Variants in ACTN3 observed in about 807,000 individuals in gnomAD.
ACTN3 encodes actinin alpha 3.
ACTN3 carries 91 observed loss-of-function variants against 119.6 expected under a neutral mutation model. That is an observed-to-expected ratio of 0.76 (90% CI 0.64 to 0.91). The LOEUF (loss-of-function observed/expected upper bound fraction) is 0.91, where lower values mean the gene tolerates loss of function less well. Ranked by LOEUF, ACTN3 falls within the 40% of genes least tolerant of loss-of-function variation. ACTN3 has a pLI of 0.00. For synonymous variants in ACTN3, 456 were observed against 478.8 expected (o/e 0.95, Z 0.62); for missense variants, 1,221 against 1,215.1 (o/e 1.00, Z -0.07).
At chr11:66,555,054 G>T in intron 5 of ACTN3, 76 bp from the exon 6 acceptor site, 1 of 1,327,664 alleles carries the variant, frequency 7.5e-7, no homozygotes, top group Non-Finnish European at 1.1e-6. Context: ...GTCCTTCTGG[G>T]GGGTGCTCCT....
chr11:66,559,035 C>A, intron 11 of ACTN3: 1 of 451,274 alleles, frequency 2.2e-6, no homozygotes, highest in Non-Finnish European at 3.7e-6. Context: ...GCTCAGGGGA[C>A]GCTGATGTCA....
chr11:66,552,236 G>A lies in ACTN3; in HGVS notation c.382+589G>A, dbSNP rs192632292. On this transcript the variant is annotated intron_variant, in intron 3 of 20. Transcript: ENST00000513398. The stretch of plus-strand genomic sequence containing the variant: ...CTACTAAAAATACGCTGGGTGTGGC[G>A]GCGCGTGGCTGTAATCCCAACTACT... Among the ~76,000 whole-genome samples the A allele has an allele frequency of 9.3e-3, 1,412 of 151,982 alleles. 13 individuals are homozygous for A. Among genetic ancestry groups the A allele is most frequent in the Non-Finnish European group, 0.014 (924 of 67,972 alleles).
In ACTN3 at chr11:66,560,088, G is replaced by A. The variant is rs1487023861; in HGVS notation, c.1536+12G>A. ...GGGATGCGCTAGAGGTGGGGCTGGG[G>A]GCCGGGGAGCTGGGGGGTGGGTAGG... On this transcript the variant is annotated intron_variant, in intron 13 of 20. Transcript: ENST00000513398. The A allele has an allele frequency of 2.6e-6, 4 of 1,556,184 alleles. No homozygotes were observed. The highest frequency in any genetic ancestry group is 1.4e-5 in the African/African-American group (1 of 73,526).
At chr11:66,555,010 G>T in intron 5 of ACTN3, 120 bp from the exon 6 acceptor site, 1 of 877,904 alleles carries the variant, frequency 1.1e-6, no homozygotes, top group Admixed American at 2.1e-5. Context: ...CAAGCTAAGG[G>T]ATTTGTACTT....
At chr11:66,546,668 C>T, upstream of ACTN3, 1 of 1,532,734 alleles carries the variant, frequency 6.5e-7, no homozygotes, top group Non-Finnish European at 8.7e-7. Flanking sequence ...GTGGATTTCT[C>T]AAGGTCACAC....
Position 66,561,718 on chromosome 11 carries a change from G to A in ACTN3, c.2175+81G>A, listed in dbSNP as rs1011025672. The A allele has an allele frequency of 6.1e-6, 9 of 1,472,596 alleles. No homozygotes were observed. In the African/African-American group the frequency reaches 7.0e-5, roughly 11 times the overall value. 91.2% of individuals were successfully genotyped at this position (1,472,596 alleles called of 1,614,324 possible). A position where few individuals can be genotyped will look rare whatever the true frequency, so the allele number is the denominator to read the frequency against. On this transcript the variant is annotated intron_variant, in intron 17 of 20. Coordinates refer to ENST00000513398, the MANE Select transcript of ACTN3 (RefSeq NM_001104.4). Reference sequence around the variant, plus strand: ...GGGAGATCACAGCTGGACAGAGCATGTGTGTCCCAGCAGAGTCCCCAGTTC... The same window carrying A: ...GGGAGATCACAGCTGGACAGAGCATATGTGTCCCAGCAGAGTCCCCAGTTC...
At chr11:66,557,031 G>A (rs1681783072) in intron 8 of ACTN3, 102 bp from the exon 9 acceptor site, 2 of 1,013,384 alleles carry the variant, frequency 2.0e-6, no homozygotes, top group Non-Finnish European at 2.9e-6. Flanking sequence ...AAACTGCTGG[G>A]ATTACAGGCG....
In ACTN3 at chr11:66,561,400, G is replaced by A. The variant is rs573025330; in HGVS notation, c.1995+39G>A. The A allele has an allele frequency of 3.7e-6, 6 of 1,606,756 alleles. No individual in the cohort carries two copies. In the East Asian group the frequency reaches 8.9e-5, roughly 24 times the overall value. On this transcript the variant is annotated intron_variant, in intron 16 of 20. Transcript: ENST00000513398. ...TAGTGGGTCCAACCTGGGGGGATGG[G>A]GCCAGGGCTGGGCCACAGGGAGTTG...
At chr11:66,552,168 A>T (rs1857486285) in intron 3 of ACTN3, among the ~76,000 whole-genome samples, 1 of 151,926 alleles carries the variant, frequency 6.6e-6, no homozygotes, top group South Asian at 2.1e-4. Flanking sequence ...TCACGAGGTC[A>T]GGAGATCAAG....
intron 3 of ACTN3, among the ~76,000 whole-genome samples, 191 bp from the exon 4 acceptor site, chr11:66,553,853 CA>C (rs11448724): frequency 1.3e-3 from 107 of 81,770 alleles, no homozygotes; most frequent in East Asian, 1.9e-3. Context: ...GACTCCATCT[CA>C]AAAAAAAAAA....
intron 3 of ACTN3, among the ~76,000 whole-genome samples, chr11:66,553,258 C>T (rs1347383729): frequency 1.3e-5 from 2 of 150,680 alleles, no homozygotes; most frequent in African/African-American, 4.9e-5. Flanking sequence ...TGTCACCCCC[C>T]AAAAAATAGA....
In ACTN3 at chr11:66,559,964, C is replaced by T. The variant is rs1857705389; in HGVS notation, c.1428-4C>T. 7 of 1,589,766 alleles carry T rather than the reference C, an allele frequency of 4.4e-6. No homozygotes were observed. The highest frequency in any genetic ancestry group is 6.0e-6 in the Non-Finnish European group (7 of 1,170,312). On this transcript the variant is annotated splice_region_variant and splice_polypyrimidine_tract_variant and intron_variant, in intron 12 of 20. Transcript: ENST00000513398. ...CCCACACTCGCCCTACTTCTCGCTCCCAGTGAGCTGGACTACCACGAGGCA... is the reference window on the plus strand; with the variant it reads ...CCCACACTCGCCCTACTTCTCGCTCTCAGTGAGCTGGACTACCACGAGGCA...
At chr11:66,552,630 T>C (rs1234711866) in intron 3 of ACTN3, among the ~76,000 whole-genome samples, 1 of 149,398 alleles carries the variant, frequency 6.7e-6, no homozygotes, top group East Asian at 2.0e-4. Flanking sequence ...CCAAGGCAAA[T>C]GGATCACCCT....
In ACTN3 at chr11:66,551,534, G is replaced by A. The variant is rs773998294; in HGVS notation, c.269G>A (p.Arg90Lys). The change falls in exon 3 of 21, where the codon AGG becomes AAG. Residue 90 changes from arginine to lysine, a missense_variant. Physicochemically the swap from Arg to Lys is conservative, Grantham distance 26. Transcript: ENST00000513398. ...CCTCTCCTCTTAAACCCAGGTGAGA[G>A]GCTGCCTAGGCCAGATAAAGGCAAG... ...MLLLEVISGE[R>K]LPRPDKGKMR... 8.1e-6 allele frequency: 13 copies of A among 1,613,698 alleles called. No individual in the cohort carries two copies. In the East Asian group the frequency reaches 2.4e-4, roughly 30 times the overall value.
chr11:66,554,372 C>A (rs556766789), intron 4 of ACTN3, 164 bp from the exon 5 acceptor site: 2 of 199,170 alleles, frequency 1.0e-5, no homozygotes, highest in African/African-American at 2.4e-5. Flanking sequence ...GTAGGAGGAT[C>A]GCTTGAGCCT....
chr11:66,557,860 C>A lies in ACTN3; in HGVS notation c.1059C>A (p.Asn353Lys). Reference sequence around the variant, plus strand: ...AGTGCCAGCTGGAGATCAACTTCAACACACTGCAGACCAAGTTGCGGCTCA... The same window carrying A: ...AGTGCCAGCTGGAGATCAACTTCAAAACACTGCAGACCAAGTTGCGGCTCA... ...QEKCQLEINF[N>K]TLQTKLRLSH... Residue 353 changes from asparagine to lysine, a missense_variant, in exon 10 of 21, where the codon AAC (asparagine) becomes AAA (lysine). This residue lies in a region of ACTN3 where 934 missense variants were observed against 899.9 expected (regional missense o/e 1.04). Coordinates refer to ENST00000513398, the MANE Select transcript of ACTN3 (RefSeq NM_001104.4). 1 of 1,614,240 alleles carries A rather than the reference C, an allele frequency of 6.2e-7. No homozygotes were observed. The highest frequency in any genetic ancestry group is 8.5e-7 in the Non-Finnish European group (1 of 1,180,048).
Position 66,562,820 on chromosome 11 carries a change from A to G in ACTN3, c.2413A>G (p.Met805Val), listed in dbSNP as rs553762010. The G allele has an allele frequency of 1.9e-6, 3 of 1,612,778 alleles. No homozygotes were observed. The highest frequency in any genetic ancestry group is 2.2e-5 in the East Asian group (1 of 44,862). ...DLGEVEFARI[M>V]TMVDPNAAGV... is the part of the protein sequence containing the mutation. ...GGGGGAAGTGGAGTTTGCTCGCATC[A>G]TGACCATGGTGGACCCCAACGCAGC... Residue 805 changes from methionine to valine, a missense_variant, in exon 20 of 21, where the codon ATG becomes GTG. Physicochemically the swap from Met to Val is conservative, Grantham distance 21. Coordinates refer to ENST00000513398, the MANE Select transcript of ACTN3 (RefSeq NM_001104.4).
Position 66,560,051 on chromosome 11 carries a change from C to T in ACTN3, c.1511C>T (p.Thr504Ile), listed in dbSNP as rs1374415392. 23 of 1,601,440 alleles carry T rather than the reference C, an allele frequency of 1.4e-5. No individual in the cohort carries two copies. Among genetic ancestry groups the T allele is most frequent in the Non-Finnish European group, 1.9e-5 (22 of 1,175,896 alleles). Residue 504 changes from threonine (T) to isoleucine (I), a missense_variant, in exon 13 of 21, where the codon ACC (threonine) becomes ATC (isoleucine). Transcript: ENST00000513398. ...CDQWDNLGTL[T>I]QKRRDALERM... ...CAGTGGGACAACCTGGGCACCCTGA[C>T]CCAGAAGAGGCGGGATGCGCTAGAG...
chr11:66,560,819 G>A (rs1420371238), intron 15 of ACTN3, 64 bp downstream of exon 15: 10 of 1,521,572 alleles, frequency 6.6e-6, no homozygotes, highest in South Asian at 2.5e-5. Context: ...CTGAAATCTC[G>A]GGTGGCCCAA....
Sources: gnomAD v4.1 joint callset for allele counts (sites outside exome capture counted in the v4.1 genomes callset) on GRCh38, gnomAD v4.1.1 for gene constraint, gnomAD v4.1.1 regional missense constraint, MANE v1.5 for transcripts, NCBI Gene and HGNC (gene_info 2026-07-23, HGNC 2026-07-21) for gene names.